Variants in RERE observed in about 807,000 individuals in gnomAD.
RERE encodes the protein arginine-glutamic acid dipeptide repeats.
Under a neutral mutation model 146.1 loss-of-function variants are expected in RERE, and 40 were observed. That is an observed-to-expected ratio of 0.27 (90% CI 0.21 to 0.36). RERE has a LOEUF of 0.36. Ranked by LOEUF, RERE falls within the 10% of genes least tolerant of loss-of-function variation. The pLI, the probability that RERE is intolerant of heterozygous loss-of-function variation, is 1.00. For synonymous variants in RERE, 1,003 were observed against 866.0 expected (o/e 1.16, Z -2.78); for missense variants, 1,933 against 2,138.7 (o/e 0.90, Z 1.90).
At chr1:8,481,496 T>C (rs538957678) in intron 10 of RERE, among the ~76,000 whole-genome samples, 1 of 152,332 alleles carries the variant, frequency 6.6e-6, no homozygotes, top group South Asian at 2.1e-4. Context: ...TATATAAATA[T>C]TGTGTATATA....
At chr1:8,732,141 A>G (rs558483975) in intron 1 of RERE, among the ~76,000 whole-genome samples, 2 of 152,246 alleles carry the variant, frequency 1.3e-5, no homozygotes, top group African/African-American at 2.4e-5. Context: ...CAATCCCACA[A>G]TCGTGCCCCT....
At chr1:8,640,796 T>TC (rs1647166454) in intron 2 of RERE, among the ~76,000 whole-genome samples, 1 of 152,210 alleles carries the variant, frequency 6.6e-6, no homozygotes, top group Admixed American at 6.5e-5. Context: ...ACTTACCTTC[T>TC]CCCATCTATC....
intron 4 of RERE, among the ~76,000 whole-genome samples, chr1:8,560,107 G>C (rs186425311): frequency 2.0e-5 from 3 of 152,132 alleles, no homozygotes; most frequent in Admixed American, 2.0e-4. Flanking sequence ...TATAAACCAG[G>C]GGAAGAAGCA....
At chr1:8,536,101 T>C (rs960839847) in intron 7 of RERE, among the ~76,000 whole-genome samples, 6 of 132,966 alleles carry the variant, frequency 4.5e-5, no homozygotes, top group South Asian at 4.8e-4. Flanking sequence ...CGAGACTCCA[T>C]CTCAAAAAAA....
At chr1:8,624,440 G>A in intron 2 of RERE, 60 bp from the exon 3 acceptor site, 5 of 1,037,440 alleles carry the variant, frequency 4.8e-6, no homozygotes, top group Non-Finnish European at 7.5e-6. Flanking sequence ...CAAAGACAGG[G>A]CCCATAAAGC....
chr1:8,496,675 G>A (rs907388809), intron 9 of RERE, among the ~76,000 whole-genome samples: 15 of 151,798 alleles, frequency 9.9e-5, no homozygotes, highest in African/African-American at 2.7e-4. Context: ...CCGCTCTGTG[G>A]TGCCCGCTCT....
At chr1:8,563,405 A>G (rs990082724) in intron 4 of RERE, among the ~76,000 whole-genome samples, 9 of 152,148 alleles carry the variant, frequency 5.9e-5, no homozygotes, top group African/African-American at 1.9e-4. Flanking sequence ...ACAACTGTAA[A>G]TTCACCTACG....
chr1:8,644,358 C>G (rs1647229949), intron 2 of RERE, among the ~76,000 whole-genome samples: 3 of 152,142 alleles, frequency 2.0e-5, no homozygotes, highest in Admixed American at 2.0e-4. Context: ...TTGGAACGGT[C>G]AGTAGTTCCC....
intron 7 of RERE, among the ~76,000 whole-genome samples, chr1:8,527,446 AAAAC>A (rs1376813641): frequency 6.6e-6 from 1 of 152,238 alleles, no homozygotes; most frequent in African/African-American, 2.4e-5. Flanking sequence ...ATATTAAAAA[AAAAC>A]AAACTATCTA....
intron 9 of RERE, among the ~76,000 whole-genome samples, chr1:8,496,599 G>C (rs1439442742): frequency 1.3e-5 from 2 of 152,136 alleles, no homozygotes; most frequent in African/African-American, 4.8e-5. Context: ...TGTTGTCGTT[G>C]CCAAGACCCA....
In RERE at chr1:8,805,007, G is replaced by GTTTTTTTTTTTTTTTTTTT. The variant is rs1557553356; in HGVS notation, c.-145+12152_-145+12153insAAAAAAAAAAAAAAAAAAA. Among the ~76,000 whole-genome samples, 9 of 61,364 alleles carry GTTTTTTTTTTTTTTTTTTT rather than the reference G, an allele frequency of 1.5e-4. 3 individuals carry two copies. Among genetic ancestry groups the GTTTTTTTTTTTTTTTTTTT allele is most frequent in the Non-Finnish European group, 9.4e-5 (3 of 31,894 alleles). The allele number at this position is 61,364 out of a possible 152,430, so 40.3% of individuals were successfully genotyped here. A position where few individuals can be genotyped will look rare whatever the true frequency, so the allele number is the denominator to read the frequency against. On this transcript the variant is annotated intron_variant, in intron 1 of 22. Transcript: ENST00000400908. ...ATTTTTTTTGTTTTGTTTTGTTTTTGGTTTTTTTTTTTTTTTTTTTTGAGA... is the reference window on the plus strand; with the variant it reads ...ATTTTTTTTGTTTTGTTTTGTTTTTGTTTTTTTTTTTTTTTTTTTGTTTTTTTTTTTTTTTTTTTTGAGA...
intron 6 of RERE, among the ~76,000 whole-genome samples, chr1:8,542,654 A>G (rs1373482243): frequency 1.3e-5 from 2 of 152,100 alleles, no homozygotes; most frequent in African/African-American, 4.8e-5. Context: ...TTGAGACCCC[A>G]TCTCACCACA....
intron 4 of RERE, among the ~76,000 whole-genome samples, chr1:8,613,071 T>C (rs1646811244): frequency 1.3e-5 from 2 of 152,230 alleles, no homozygotes; most frequent in Admixed American, 1.3e-4. Flanking sequence ...TCATCTCTAC[T>C]GTCTTGGTCC....
chr1:8,559,406 A>T (rs1375645711), intron 4 of RERE, among the ~76,000 whole-genome samples: 1 of 151,904 alleles, frequency 6.6e-6, no homozygotes, highest in Non-Finnish European at 1.5e-5. Flanking sequence ...AAAATACGGC[A>T]TCATCACTGG....
At chr1:8,443,487 A>G (rs2124015744) in intron 11 of RERE, among the ~76,000 whole-genome samples, 1 of 151,914 alleles carries the variant, frequency 6.6e-6, no homozygotes, top group South Asian at 2.1e-4. Flanking sequence ...AAAGAAAGAA[A>G]AGCTTTCTCA....
At chr1:8,525,676 A>G in intron 7 of RERE, 1 of 1,378,100 alleles carries the variant, frequency 7.3e-7, no homozygotes, top group Non-Finnish European at 9.7e-7. Flanking sequence ...TGAATGATGA[A>G]ATGATTCATA....
chr1:8,556,832 A>G (rs1214196947), intron 5 of RERE, among the ~76,000 whole-genome samples: 3 of 152,178 alleles, frequency 2.0e-5, no homozygotes, highest in Non-Finnish European at 4.4e-5. Context: ...AAATGGATTA[A>G]GCACAAATGG....
At chr1:8,575,611 G>T (rs1288917382) in intron 4 of RERE, among the ~76,000 whole-genome samples, 1 of 145,800 alleles carries the variant, frequency 6.9e-6, no homozygotes, top group Non-Finnish European at 1.5e-5. Flanking sequence ...GCCCAGGCTG[G>T]TCGCTAACTG....
intron 1 of RERE, among the ~76,000 whole-genome samples, chr1:8,659,564 AAAAC>A (rs1638408475): frequency 6.6e-6 from 1 of 152,240 alleles, no homozygotes; most frequent in Non-Finnish European, 1.5e-5. Context: ...CTCAAAATAA[AAAAC>A]AAACAAAAAA....
Sources: gnomAD v4.1 joint callset for allele counts (sites outside exome capture counted in the v4.1 genomes callset) on GRCh38, gnomAD v4.1.1 for gene constraint, MANE v1.5 for transcripts, NCBI Gene and HGNC (gene_info 2026-07-23, HGNC 2026-07-21) for gene names.